The following MYO16 variants were observed in gnomAD, a reference collection of about 807,000 sequenced individuals.
MYO16 encodes the protein myosin XVI.
In MYO16, 94 loss-of-function variants were observed where a neutral mutation model predicts 205.3. The observed-to-expected ratio is 0.46, with a 90% CI of 0.39 to 0.54. MYO16 has a LOEUF of 0.54. Ranked by LOEUF, MYO16 falls within the 20% of genes least tolerant of loss-of-function variation. The pLI is 0.00. For missense variants in MYO16, 2,315 were observed against 2,387.5 expected (o/e 0.97, Z 0.63); for synonymous variants, 988 against 954.0 (o/e 1.04, Z -0.66).
intron 4 of MYO16, among the ~76,000 whole-genome samples, chr13:108,752,801 C>T (rs1035564168): frequency 8.2e-6 from 1 of 122,332 alleles, no homozygotes; most frequent in Admixed American, 9.7e-5. Flanking sequence ...GCCACCGTGC[C>T]CAGCTAATTT....
intron 31 of MYO16, among the ~76,000 whole-genome samples, chr13:109,129,715 C>T (rs888116594): frequency 1.3e-5 from 2 of 152,012 alleles, no homozygotes; most frequent in African/African-American, 4.8e-5. Flanking sequence ...TAGTACCAGA[C>T]ATTGAAAAAA....
At chr13:108,942,464 G>T (rs1235634969) in intron 16 of MYO16, among the ~76,000 whole-genome samples, 1 of 152,230 alleles carries the variant, frequency 6.6e-6, no homozygotes, top group East Asian at 1.9e-4. Flanking sequence ...TTCTGATCAA[G>T]TCAATTGTTT....
rs1482694941 is a variant in MYO16, at chr13:108,612,002, G to A, written c.-39+15763G>A. Among the ~76,000 whole-genome samples the A allele has an allele frequency of 4.6e-5, 6 of 130,890 alleles. No homozygotes were observed. In the East Asian group the frequency reaches 1.1e-3, roughly 24 times the overall value. 85.9% of individuals were successfully genotyped at this position (130,890 alleles called of 152,430 possible). A position where few individuals can be genotyped will look rare whatever the true frequency, so the allele number is the denominator to read the frequency against. ...TTTTTTTTTTTTTTTTTGAGACGGAGTCTCGCTCTGTCGCCCAGGCTGGAA... is the reference window on the plus strand; with the variant it reads ...TTTTTTTTTTTTTTTTTGAGACGGAATCTCGCTCTGTCGCCCAGGCTGGAA... On this transcript the variant is annotated intron_variant, in intron 1 of 24. Transcript: ENST00000251041.
At chr13:108,530,946 T>C in the MYO16 span, among the ~76,000 whole-genome samples, 1 of 152,216 alleles carries the variant, frequency 6.6e-6, no homozygotes, top group South Asian at 2.1e-4. Flanking sequence ...TTTTTTCAAA[T>C]GGAGACAATT....
chr13:108,516,368 C>T, the MYO16 span, among the ~76,000 whole-genome samples: 1 of 151,954 alleles, frequency 6.6e-6, no homozygotes, highest in Non-Finnish European at 1.5e-5. Context: ...GGCCTGCGCC[C>T]ACTGTCTGGC....
In MYO16 at chr13:108,888,530, TGTC is replaced by T. The variant is rs1321116852; in HGVS notation, c.1659+54_1659+56del. 58 of 1,329,636 alleles carry T rather than the reference TGTC, an allele frequency of 4.4e-5. No individual in the cohort carries two copies. In the African/African-American group the frequency reaches 7.3e-4, roughly 17 times the overall value. The allele number at this position is 1,329,636 out of a possible 1,614,324, so 82.4% of individuals were successfully genotyped here. On this transcript the variant is annotated intron_variant, in intron 14 of 34. Coordinates refer to ENST00000457511, the MANE Select transcript of MYO16 (RefSeq NM_001198950.3). ...ATGTGAATGAAGATGTTCAGCCAGT[TGTC>T]ATTTACAAATAGGGGAGGGGACATC...
chr13:109,097,879 G>A (rs1019204451), intron 27 of MYO16, among the ~76,000 whole-genome samples: 1 of 152,194 alleles, frequency 6.6e-6, no homozygotes, highest in Non-Finnish European at 1.5e-5. Flanking sequence ...CTAGCAAGAT[G>A]ATGAGGATTC....
chr13:108,767,680 G>A (rs1566595132), intron 4 of MYO16, among the ~76,000 whole-genome samples: 3 of 152,038 alleles, frequency 2.0e-5, no homozygotes, highest in Admixed American at 1.3e-4. Context: ...AAGAAGGCAG[G>A]TAATCAAACC....
intron 28 of MYO16, among the ~76,000 whole-genome samples, chr13:109,108,855 C>A (rs1197661669): frequency 6.6e-6 from 1 of 152,084 alleles, no homozygotes; most frequent in African/African-American, 2.4e-5. Context: ...CCCGAGTGTG[C>A]TGAGCCCCCG....
At chr13:108,884,623 C>T (rs1448814520) in intron 13 of MYO16, among the ~76,000 whole-genome samples, 4 of 150,088 alleles carry the variant, frequency 2.7e-5, no homozygotes, top group Non-Finnish European at 5.9e-5. Flanking sequence ...ATGAGAAGGG[C>T]GTCAAGGTGG....
intron 4 of MYO16, among the ~76,000 whole-genome samples, chr13:108,733,800 T>C (rs1238817040): frequency 2.0e-5 from 3 of 152,092 alleles, no homozygotes; most frequent in Admixed American, 2.0e-4. Flanking sequence ...AAACCCCGTC[T>C]CTACTAAAAA....
At chr13:108,710,796 T>C (rs985140917) in intron 2 of MYO16, among the ~76,000 whole-genome samples, 2 of 152,220 alleles carry the variant, frequency 1.3e-5, no homozygotes, top group Admixed American at 1.3e-4. Context: ...TTTACTAATA[T>C]TATAACATGA....
At chr13:109,026,598 AGAT>A (rs1886371279) in intron 23 of MYO16, among the ~76,000 whole-genome samples, 1 of 152,186 alleles carries the variant, frequency 6.6e-6, no homozygotes, top group African/African-American at 2.4e-5. Flanking sequence ...TCATCTTGAC[AGAT>A]GATAAGAGTA....
chr13:108,963,254 C>T (rs1298830935), intron 19 of MYO16, among the ~76,000 whole-genome samples: 1 of 152,210 alleles, frequency 6.6e-6, no homozygotes, highest in Non-Finnish European at 1.5e-5. Flanking sequence ...TATTCTTTCT[C>T]TATGGCCTTT....
chr13:108,933,049 A>G (rs1882329815), intron 16 of MYO16, among the ~76,000 whole-genome samples: 1 of 152,106 alleles, frequency 6.6e-6, no homozygotes, highest in African/African-American at 2.4e-5. Context: ...GGGAGCTACA[A>G]ATAACAGAAG....
intron 7 of MYO16, among the ~76,000 whole-genome samples, chr13:108,809,933 T>C (rs1421258669): frequency 6.6e-6 from 1 of 152,094 alleles, no homozygotes; most frequent in Non-Finnish European, 1.5e-5. Flanking sequence ...TAAACATCTA[T>C]AGAAAGGGGA....
intron 9 of MYO16, among the ~76,000 whole-genome samples, chr13:108,829,921 C>G (rs1197745072): frequency 5.3e-5 from 8 of 149,994 alleles, no homozygotes; most frequent in Admixed American, 2.7e-4. Flanking sequence ...AAGAAAAAAA[C>G]AAACAACCCC....
intron 4 of MYO16, among the ~76,000 whole-genome samples, chr13:108,761,111 A>C (rs983058504): frequency 8.5e-5 from 13 of 152,232 alleles, no homozygotes; most frequent in African/African-American, 3.1e-4. Context: ...TAAATAAGGA[A>C]ACCAATAAAT....
intron 20 of MYO16, among the ~76,000 whole-genome samples, chr13:108,970,883 G>A (rs1407062012): frequency 6.6e-6 from 1 of 152,160 alleles, no homozygotes; most frequent in East Asian, 1.9e-4. Context: ...TGGGGTTGAA[G>A]GTAGAGAGGG....
Sources: allele counts gnomAD v4.1 joint callset (sites outside exome capture counted in the v4.1 genomes callset), GRCh38; gene constraint gnomAD v4.1.1; transcripts MANE v1.5; gene names NCBI Gene and HGNC (gene_info 2026-07-23, HGNC 2026-07-21).